Variants in ANKRD36 observed in about 807,000 individuals in gnomAD.
ANKRD36 encodes the protein ankyrin repeat domain 36.
In ANKRD36, 179 loss-of-function variants were observed where a neutral mutation model predicts 278.1. The observed-to-expected ratio is 0.64, with a 90% CI of 0.57 to 0.73. The LOEUF (loss-of-function observed/expected upper bound fraction) is 0.73, where lower values mean the gene tolerates loss of function less well. Ranked by LOEUF, ANKRD36 falls within the 30% of genes least tolerant of loss-of-function variation. The probability of loss-of-function intolerance (pLI) is 0.00; values close to 1 mark genes in which losing one functional copy is unlikely to be tolerated. For missense variants in ANKRD36, 1,159 were observed against 1,956.7 expected (o/e 0.59, Z 7.69); for synonymous variants, 320 against 641.1 (o/e 0.50, Z 7.57).
intron 67 of ANKRD36, among the ~76,000 whole-genome samples, chr2:97,231,616 G>C (rs1212686901): frequency 6.6e-6 from 1 of 152,082 alleles, no homozygotes. Context: ...CCCTCCTTTG[G>C]GTCACACACG....
intron 58 of ANKRD36, among the ~76,000 whole-genome samples, chr2:97,212,077 A>G (rs1428638052): frequency 6.6e-6 from 1 of 151,870 alleles, no homozygotes; most frequent in Admixed American, 6.6e-5. Flanking sequence ...GAAGTAATAG[A>G]TATTAGAGGC....
intron 6 of ANKRD36, among the ~76,000 whole-genome samples, chr2:97,139,173 A>G (rs907875943): frequency 6.6e-6 from 1 of 152,048 alleles, no homozygotes; most frequent in Admixed American, 6.6e-5. Flanking sequence ...GTAAGTAGTC[A>G]TGCTTTCCTG....
At chr2:97,169,438 G>A (rs1265627766) in intron 22 of ANKRD36, among the ~76,000 whole-genome samples, 5 of 152,280 alleles carry the variant, frequency 3.3e-5, no homozygotes, top group African/African-American at 9.6e-5. Flanking sequence ...GTTCTGGCCA[G>A]GGCAATCAGA....
chr2:97,129,915 G>C lies in ANKRD36; in HGVS notation c.799+2781G>C, dbSNP rs2039629607. 3.3e-5 allele frequency among the ~76,000 whole-genome samples: 5 copies of C among 152,106 alleles called. No homozygotes were observed. The South Asian group carries it at 1.0e-3, about 32-fold the overall frequency. ...GAAGTCAGGTAGCGTGATGCCTCCAGCTTTATTCTTTTGGCTTAGGATTGA... is the reference window on the plus strand; with the variant it reads ...GAAGTCAGGTAGCGTGATGCCTCCACCTTTATTCTTTTGGCTTAGGATTGA... On this transcript the variant is annotated intron_variant, in intron 6 of 75. Transcript: ENST00000420699.
chr2:97,190,612 G>T (rs561894331), intron 34 of ANKRD36, among the ~76,000 whole-genome samples: 1 of 151,590 alleles, frequency 6.6e-6, no homozygotes, highest in African/African-American at 2.4e-5. Flanking sequence ...TGAAAGACAT[G>T]TGGGATCATG....
At position 97,216,949 on chromosome 2, in the gene ANKRD36, T is replaced by A. The variant is rs1310916167; in HGVS notation, c.3674-228T>A. 8 of 1,080,892 alleles carry A rather than the reference T, an allele frequency of 7.4e-6. 1 individual carries two copies. In the East Asian group the frequency reaches 2.2e-4, roughly 30 times the overall value. The allele number at this position is 1,080,892 out of a possible 1,614,324, so 67.0% of individuals were successfully genotyped here. On this transcript the variant is annotated intron_variant, in intron 62 of 75. Coordinates refer to ENST00000420699, the MANE Select transcript of ANKRD36 (RefSeq NM_001354587.1). ...CGGTTTTATTTTAGTTTTAGACATA[T>A]GACAAATCATACCATGCTTGAAATT...
chr2:97,259,016 G>T (rs1294160384), intron 75 of ANKRD36, among the ~76,000 whole-genome samples: 1 of 144,296 alleles, frequency 6.9e-6, no homozygotes, highest in African/African-American at 2.4e-5. Context: ...TGGGTTGTTT[G>T]ATTGAGTCCC....
At chr2:97,223,107 T>TTG (rs1264339590) in intron 66 of ANKRD36, among the ~76,000 whole-genome samples, 1 of 149,446 alleles carries the variant, frequency 6.7e-6, no homozygotes, top group African/African-American at 2.5e-5. Flanking sequence ...ACTTTTTTTT[T>TTG]TTTTTTTTTT....
At chr2:97,141,125 AC>A (rs2042798140) in intron 6 of ANKRD36, among the ~76,000 whole-genome samples, 1 of 151,412 alleles carries the variant, frequency 6.6e-6, no homozygotes, top group Non-Finnish European at 1.5e-5. Context: ...GACCTGAGAG[AC>A]CCCTATGGTA....
intron 30 of ANKRD36, 147 bp from the exon 31 acceptor site, chr2:97,187,051 G>A: frequency 3.6e-6 from 5 of 1,379,970 alleles, no homozygotes; most frequent in Non-Finnish European, 4.9e-6. Context: ...TTTGTGTCAT[G>A]CTCCTGGCTT....
At chr2:97,152,786 A>G (rs955317487) in intron 14 of ANKRD36, among the ~76,000 whole-genome samples, 19 of 147,316 alleles carry the variant, frequency 1.3e-4, no homozygotes, top group African/African-American at 4.6e-4. Flanking sequence ...ACATTAGACC[A>G]TCATGCTGCC....
At chr2:97,191,306 T>C in intron 36 of ANKRD36, 125 bp downstream of exon 36, 2 of 1,171,566 alleles carry the variant, frequency 1.7e-6, no homozygotes, top group Non-Finnish European at 2.3e-6. Flanking sequence ...CTGAGATTCT[T>C]CATTTGCAGT....
chr2:97,201,970 A>G (rs1241478737), intron 46 of ANKRD36, among the ~76,000 whole-genome samples: 6 of 151,902 alleles, frequency 3.9e-5, no homozygotes, highest in Non-Finnish European at 5.9e-5. Flanking sequence ...AGTTTTCGAC[A>G]TATGAGAAAT....
In ANKRD36 at chr2:97,209,849, AGGAT is replaced by A. The variant is rs1385658484; in HGVS notation, c.3348_3351del (p.Asp1116GlufsTer15). 7 of 1,588,868 alleles carry A rather than the reference AGGAT, an allele frequency of 4.4e-6. No homozygotes were observed. The highest frequency in any genetic ancestry group is 6.0e-6 in the Non-Finnish European group (7 of 1,170,594). On this transcript the variant is annotated frameshift_variant, in exon 56 of 76. Coordinates refer to ENST00000420699, the MANE Select transcript of ANKRD36 (RefSeq NM_001354587.1). LOFTEE classifies it high-confidence loss of function. Reference sequence around the variant, plus strand: ...GTTTTGTATATAGCCAGAGAAAAAAAGGATGGAGAAAAATCTAGGACAGGTAATT... The same window carrying A: ...GTTTTGTATATAGCCAGAGAAAAAAAGGAGAAAAATCTAGGACAGGTAATT...
Position 97,173,536 on chromosome 2 carries a change from C to T in ANKRD36, c.1633+5769C>T, listed in dbSNP as rs2924028. 2.6e-5 allele frequency among the ~76,000 whole-genome samples: 4 copies of T among 151,898 alleles called. No individual in the cohort carries two copies. In the East Asian group the frequency reaches 7.8e-4, roughly 30 times the overall value. ...CATTTTAATAAAGCAAAACCTTATC[C>T]TCACATGTGTCAGAATGGGATTGTA... On this transcript the variant is annotated intron_variant, in intron 22 of 75. Transcript: ENST00000420699.
intron 46 of ANKRD36, 109 bp downstream of exon 46, chr2:97,200,634 G>T (rs1482843263): frequency 6.8e-7 from 1 of 1,471,142 alleles, no homozygotes; most frequent in East Asian, 2.5e-5. Flanking sequence ...GATTCACCAA[G>T]CTTGAGATTC....
At chr2:97,187,271 C>A in intron 31 of ANKRD36, 45 bp downstream of exon 31, 2 of 1,606,292 alleles carry the variant, frequency 1.2e-6, no homozygotes, top group Non-Finnish European at 1.7e-6. Flanking sequence ...AATCTATAGT[C>A]TATGAAATAT....
intron 6 of ANKRD36, among the ~76,000 whole-genome samples, chr2:97,137,373 A>G (rs1334042466): frequency 6.6e-6 from 1 of 151,602 alleles, no homozygotes; most frequent in Non-Finnish European, 1.5e-5. Flanking sequence ...CTGGTCTCAA[A>G]CTTTTGGCCT....
intron 48 of ANKRD36, among the ~76,000 whole-genome samples, 165 bp from the exon 49 acceptor site, chr2:97,203,903 C>T (rs1020992438): frequency 4.0e-5 from 6 of 151,856 alleles, no homozygotes; most frequent in Non-Finnish European, 8.8e-5. Context: ...TTGCTTTTCT[C>T]AGCGTATTTC....
Sources: gnomAD v4.1 joint callset for allele counts (sites outside exome capture counted in the v4.1 genomes callset) on GRCh38, gnomAD v4.1.1 for gene constraint, MANE v1.5 for transcripts, NCBI Gene and HGNC (gene_info 2026-07-23, HGNC 2026-07-21) for gene names.